The following AOAH variants were observed in gnomAD, a reference collection of about 807,000 sequenced individuals.
The protein encoded by AOAH is acyloxyacyl hydrolase.
Under a neutral mutation model 92.2 loss-of-function variants are expected in AOAH, and 64 were observed. That is an observed-to-expected ratio of 0.69 (90% CI 0.57 to 0.86). AOAH has a LOEUF of 0.86. AOAH is among the 40% of genes least tolerant of loss of function. The pLI, the probability that AOAH is intolerant of heterozygous loss-of-function variation, is 0.00. For missense variants in AOAH, 656 were observed against 694.6 expected (o/e 0.94, Z 0.62); for synonymous variants, 263 against 254.5 (o/e 1.03, Z -0.32).
At position 36,724,266 on chromosome 7, in the gene AOAH, G is replaced by A; in HGVS notation, c.-118C>T. ...TCTCCTTCTCTTCCTCACTCTCTTTGACACACACACCCCACCCTCTCACAT... is the reference window on the plus strand; with the variant it reads ...TCTCCTTCTCTTCCTCACTCTCTTTAACACACACACCCCACCCTCTCACAT... On this transcript the variant is annotated 5_prime_UTR_variant, in exon 1 of 21. It introduces an in-frame stop codon into an upstream open reading frame of the 5' UTR. Transcript: ENST00000617537. 8.4e-7 allele frequency: 1 copy of A among 1,191,764 alleles called. No individual in the cohort carries two copies. Among genetic ancestry groups the A allele is most frequent in the Non-Finnish European group, 1.2e-6 (1 of 829,210 alleles). 73.8% of individuals were successfully genotyped at this position (1,191,764 alleles called of 1,614,324 possible). A position where few individuals can be genotyped will look rare whatever the true frequency, so the allele number is the denominator to read the frequency against.
intron 11 of AOAH, among the ~76,000 whole-genome samples, chr7:36,605,303 T>C (rs1333568814): frequency 2.0e-5 from 3 of 152,234 alleles, no homozygotes; most frequent in Non-Finnish European, 4.4e-5. Flanking sequence ...CTAACATTAT[T>C]TTTAAATGAT....
At chr7:36,597,394 C>T (rs1790206248) in intron 11 of AOAH, among the ~76,000 whole-genome samples, 1 of 152,148 alleles carries the variant, frequency 6.6e-6, no homozygotes, top group Non-Finnish European at 1.5e-5. Flanking sequence ...CTTATTTTTC[C>T]CTACATCTTT....
rs779347007 is a variant in AOAH, at chr7:36,724,042, G to A, written c.107C>T (p.Ser36Leu). 39 of 1,613,426 alleles carry A rather than the reference G, an allele frequency of 2.4e-5. No homozygotes were observed. Among genetic ancestry groups the A allele is most frequent in the African/African-American group, 1.1e-4 (8 of 74,864 alleles). ...CATACCTACACAGGTGTGCCCATTC[G>A]AGAGGCTGGGCCTGGACTGGTCATC... ...ANDDQSRPSL[S>L]NGHTCVGCVL... Residue 36 changes from serine to leucine, a missense_variant, in exon 1 of 21, where the codon TCG (serine) becomes TTG (leucine). Coordinates refer to ENST00000617537, the MANE Select transcript of AOAH (RefSeq NM_001637.4).
rs371145313 is a variant in AOAH, at chr7:36,689,168, T to G, written c.128-2374A>C. On this transcript the variant is annotated intron_variant, in intron 1 of 20. Transcript: ENST00000617537. Reference sequence around the variant, plus strand: ...TCCTCTCTGTTCCAGTCTCCACTTGTGGACATGGCTCCACTCCTTATTCTG... The same window carrying G: ...TCCTCTCTGTTCCAGTCTCCACTTGGGGACATGGCTCCACTCCTTATTCTG... Among the ~76,000 whole-genome samples the G allele has an allele frequency of 9.9e-5, 15 of 152,218 alleles. No homozygotes were observed. The East Asian group carries it at 2.3e-3, about 24-fold the overall frequency.
chr7:36,517,937 A>C (rs1244771587), intron 20 of AOAH, among the ~76,000 whole-genome samples: 1 of 55,852 alleles, frequency 1.8e-5, no homozygotes, highest in African/African-American at 5.6e-5. Flanking sequence ...ACACCCACAC[A>C]CACACACCCA....
At chr7:36,535,930 G>T (rs1185200210) in intron 16 of AOAH, among the ~76,000 whole-genome samples, 2 of 152,196 alleles carry the variant, frequency 1.3e-5, no homozygotes, top group African/African-American at 4.8e-5. Context: ...TTGCTGTCTG[G>T]TAATTCCTCA....
chr7:36,604,172 C>T (rs1200734997), intron 11 of AOAH, among the ~76,000 whole-genome samples: 1 of 152,156 alleles, frequency 6.6e-6, no homozygotes, highest in Non-Finnish European at 1.5e-5. Flanking sequence ...TCATCGGCCC[C>T]ACCTCTTCAT....
intron 3 of AOAH, among the ~76,000 whole-genome samples, chr7:36,660,423 C>T (rs1318247755): frequency 6.6e-6 from 1 of 152,200 alleles, no homozygotes; most frequent in African/African-American, 2.4e-5. Flanking sequence ...TCAAGTGATT[C>T]TTCTGCCTCA....
chr7:36,556,906 A>T (rs1177083375), intron 13 of AOAH, among the ~76,000 whole-genome samples: 9 of 151,402 alleles, frequency 5.9e-5, no homozygotes, highest in African/African-American at 2.2e-4. Flanking sequence ...TTTCCTGAAT[A>T]CAGCACACTG....
At chr7:36,674,165 G>A (rs1161808482) in intron 2 of AOAH, among the ~76,000 whole-genome samples, 156 bp from the exon 3 acceptor site, 1 of 152,152 alleles carries the variant, frequency 6.6e-6, no homozygotes, top group African/African-American at 2.4e-5. Flanking sequence ...GCTAATGTAT[G>A]CATTAAATAT....
At chr7:36,619,794 A>T (rs1792150861) in intron 9 of AOAH, among the ~76,000 whole-genome samples, 1 of 152,226 alleles carries the variant, frequency 6.6e-6, no homozygotes, top group African/African-American at 2.4e-5. Flanking sequence ...TCATTGAAGC[A>T]GATAAATTAA....
At position 36,645,352 on chromosome 7, in the gene AOAH, G is replaced by A. The variant is rs943097456; in HGVS notation, c.391-7442C>T. Reference sequence around the variant, plus strand: ...GCCAGAACCTGACCCTGTTGGCACCGTGATATTGGACTTCCAACCTCCAGA... The same window carrying A: ...GCCAGAACCTGACCCTGTTGGCACCATGATATTGGACTTCCAACCTCCAGA... On this transcript the variant is annotated intron_variant, in intron 4 of 20. Transcript: ENST00000617537. Among the ~76,000 whole-genome samples the A allele has an allele frequency of 2.0e-5, 3 of 152,184 alleles. No individual in the cohort carries two copies. The South Asian group carries it at 6.2e-4, about 31-fold the overall frequency.
chr7:36,568,116 G>A (rs1411128000), intron 13 of AOAH, among the ~76,000 whole-genome samples: 2 of 152,310 alleles, frequency 1.3e-5, no homozygotes, highest in East Asian at 3.9e-4. Flanking sequence ...AAGAAAAAGG[G>A]ATTTGGGCTT....
chr7:36,624,633 A>G (rs2116121313), intron 6 of AOAH, among the ~76,000 whole-genome samples: 1 of 152,340 alleles, frequency 6.6e-6, no homozygotes, highest in East Asian at 1.9e-4. Context: ...AGAGAGCAGG[A>G]GGAGGAGCGG....
chr7:36,637,044 G>A (rs1224978173), intron 5 of AOAH, among the ~76,000 whole-genome samples: 1 of 152,150 alleles, frequency 6.6e-6, no homozygotes, highest in Non-Finnish European at 1.5e-5. Flanking sequence ...ATAATGTCGT[G>A]CTTTAAAGAT....
chr7:36,583,092 G>A (rs552290144), intron 12 of AOAH, among the ~76,000 whole-genome samples: 1 of 152,074 alleles, frequency 6.6e-6, no homozygotes, highest in Non-Finnish European at 1.5e-5. Flanking sequence ...TGATCCTCTT[G>A]TTAGGCAATT....
At chr7:36,520,165 A>C (rs893704018) in intron 20 of AOAH, among the ~76,000 whole-genome samples, 1 of 152,234 alleles carries the variant, frequency 6.6e-6, no homozygotes, top group African/African-American at 2.4e-5. Flanking sequence ...TAAGTACAAG[A>C]TAGAGGCCCA....
At chr7:36,574,786 G>C (rs1038899425) in intron 13 of AOAH, among the ~76,000 whole-genome samples, 2 of 152,064 alleles carry the variant, frequency 1.3e-5, no homozygotes, top group African/African-American at 4.8e-5. Flanking sequence ...AAATGAAAGC[G>C]ATCACTCGTA....
At chr7:36,563,576 G>C (rs117158828) in intron 13 of AOAH, among the ~76,000 whole-genome samples, 81 of 152,228 alleles carry the variant, frequency 5.3e-4, no homozygotes, top group African/African-American at 1.8e-3. Flanking sequence ...GAGACAGGGT[G>C]GGGTATGTTT....
Sources: allele counts gnomAD v4.1 joint callset (sites outside exome capture counted in the v4.1 genomes callset), GRCh38; gene constraint gnomAD v4.1.1; transcripts MANE v1.5; gene names NCBI Gene and HGNC (gene_info 2026-07-23, HGNC 2026-07-21).